ZNF500: variants seen among roughly 807,000 people sequenced by gnomAD.
ZNF500 encodes zinc finger protein with KRAB and SCAN domains 18.
ZNF500 carries 31 observed loss-of-function variants against 30.1 expected under a neutral mutation model. The ratio of observed to expected loss-of-function variants is 1.03; its 90% CI spans 0.77 to 1.39. The LOEUF is 1.39. Among genes scored for constraint, ZNF500 ranks in the 40% most tolerant of loss-of-function variants. ZNF500 has a pLI of 0.00. For synonymous variants in ZNF500, 392 were observed against 282.0 expected (o/e 1.39, Z -3.91); for missense variants, 817 against 657.8 (o/e 1.24, Z -2.65).
chr16:4,760,820 C>A (rs532158759), intron 4 of ZNF500, among the ~76,000 whole-genome samples: 2 of 152,260 alleles, frequency 1.3e-5, no homozygotes, highest in South Asian at 2.1e-4. Flanking sequence ...GGGACAGATT[C>A]GCCACGAGGA....
intron 3 of ZNF500, 75 bp from the exon 4 acceptor site, chr16:4,762,410 C>G: frequency 2.0e-6 from 3 of 1,530,936 alleles, no homozygotes; most frequent in Admixed American, 4.0e-5. Flanking sequence ...CACACCAAGG[C>G]CCCAACAGCC....
Position 4,765,728 on chromosome 16 carries a change from C to G in ZNF500, c.251G>C (p.Arg84Pro). 1.9e-6 allele frequency: 3 copies of G among 1,613,410 alleles called. No individual in the cohort carries two copies. Among genetic ancestry groups the G allele is most frequent in the Non-Finnish European group, 2.5e-6 (3 of 1,179,956 alleles). The change falls in exon 2 of 6, where the codon CGC becomes CCC. Residue 84 changes from arginine (R) to proline (P), a missense_variant. Transcript: ENST00000219478. ...CAGCTCCAGGATCTGCTCCTTGGTG[C>G]GCAGCTCCGGCCGCAGCCAGCGGCA... ...LCCRWLRPELRTKEQILELLV... is the reference protein window; with the variant it reads ...LCCRWLRPELPTKEQILELLV...
intron 5 of ZNF500, among the ~76,000 whole-genome samples, chr16:4,754,749 T>C (rs1006770495): frequency 6.6e-6 from 1 of 152,018 alleles, no homozygotes; most frequent in Admixed American, 6.6e-5. Context: ...TAATAATATT[T>C]TATTTATTTA....
At chr16:4,764,707 G>A (rs1172853398) in intron 2 of ZNF500, among the ~76,000 whole-genome samples, 9 of 151,064 alleles carry the variant, frequency 6.0e-5, no homozygotes, top group South Asian at 2.1e-4. Context: ...GCGTGAATCC[G>A]GGAGGCGGAG....
intron 4 of ZNF500, among the ~76,000 whole-genome samples, chr16:4,762,012 C>T (rs539313335): frequency 6.6e-6 from 1 of 152,322 alleles, no homozygotes; most frequent in South Asian, 2.1e-4. Context: ...GGAGTCACCA[C>T]CCTGTCTCAC....
At position 4,752,784 on chromosome 16, in the gene ZNF500, G is replaced by A. The variant is rs775135871; in HGVS notation, c.1035C>T (p.Arg345=). The change falls in exon 6 of 6, where the codon CGC becomes CGT. Residue 345 remains arginine (R), a synonymous_variant. Coordinates refer to ENST00000219478, the MANE Select transcript of ZNF500 (RefSeq NM_021646.4). Reference sequence around the variant, plus strand: ...TGTAAGGCCGCTCGCCCGTGTGTGTGCGCTGGTGCTTGGTCAAGTGGGACG... The same window carrying A: ...TGTAAGGCCGCTCGCCCGTGTGTGTACGCTGGTGCTTGGTCAAGTGGGACG... ...SKTSHLTKHQ[R]THTGERPYKC... is the part of the protein sequence containing the mutation. 3.1e-6 allele frequency: 5 copies of A among 1,614,066 alleles called. No individual in the cohort carries two copies. Among genetic ancestry groups the A allele is most frequent in the African/African-American group, 2.7e-5 (2 of 74,924 alleles).
chr16:4,756,914 T>C (rs964555212), intron 5 of ZNF500, among the ~76,000 whole-genome samples: 4 of 137,394 alleles, frequency 2.9e-5, no homozygotes, highest in African/African-American at 8.2e-5. Context: ...CCTGGGGAGG[T>C]TGAAGCTGCA....
At chr16:4,753,977 G>A (rs2082111119) in intron 5 of ZNF500, among the ~76,000 whole-genome samples, 1 of 152,238 alleles carries the variant, frequency 6.6e-6, no homozygotes, top group South Asian at 2.1e-4. Context: ...CAGGACAGGA[G>A]AACAGGGAGA....
In ZNF500 at chr16:4,751,698, A is replaced by C. The variant is rs1245514534; in HGVS notation, c.*678T>G. On this transcript the variant is annotated 3_prime_UTR_variant, in exon 6 of 6. Transcript: ENST00000219478. ...CGGGTTTTGATGATATAATTAGTTA[A>C]GATGAGGTCACAGTGTATTGGGGGA... 2.7e-6 allele frequency: 4 copies of C among 1,487,130 alleles called. No homozygotes were observed. The highest frequency in any genetic ancestry group is 3.6e-6 in the Non-Finnish European group (4 of 1,103,292). 92.1% of individuals were successfully genotyped at this position (1,487,130 alleles called of 1,614,324 possible).
intron 2 of ZNF500, among the ~76,000 whole-genome samples, chr16:4,763,439 A>G (rs2141848618): frequency 6.6e-6 from 1 of 152,166 alleles, no homozygotes; most frequent in East Asian, 1.9e-4. Flanking sequence ...AGAAATTATC[A>G]ACAGGTGCTC....
At chr16:4,747,065 A>T, downstream of ZNF500, 1 of 1,487,134 alleles carries the variant, frequency 6.7e-7, no homozygotes, top group Non-Finnish European at 9.0e-7. Context: ...CAGATGTCCC[A>T]CCTCTGCTTT....
intron 5 of ZNF500, among the ~76,000 whole-genome samples, chr16:4,758,861 C>T (rs535285924): frequency 6.6e-6 from 1 of 152,218 alleles, no homozygotes; most frequent in Admixed American, 6.6e-5. Context: ...AACTTTTGTG[C>T]ATGAAAGGAC....
chr16:4,762,994 C>G (rs1198880583), intron 2 of ZNF500: 3 of 985,338 alleles, frequency 3.0e-6, no homozygotes, highest in Admixed American at 6.1e-5. Flanking sequence ...TTCTTACCCT[C>G]TATTCCTTGG....
rs555209649 is a variant in ZNF500, at chr16:4,748,775, C to T, written c.*3601G>A. 1 of 152,460 alleles carries T rather than the reference C, an allele frequency of 6.6e-6. No individual in the cohort carries two copies. The highest frequency in any genetic ancestry group is 2.1e-4 in the South Asian group (1 of 4,830). 9.4% of individuals were successfully genotyped at this position (152,460 alleles called of 1,614,324 possible). ...GGAAGAGCAGAGAAATCATCACCAC[C>T]TTGGGCCCCACGGTGCCACGGGCTC... On this transcript the variant is annotated 3_prime_UTR_variant, in exon 6 of 6. Transcript: ENST00000219478.
chr16:4,762,217 A>G (rs1205194863), intron 4 of ZNF500, 54 bp downstream of exon 4: 2 of 1,581,448 alleles, frequency 1.3e-6, no homozygotes, highest in African/African-American at 2.7e-5. Context: ...AGTGTGACAC[A>G]CAGGAGGTCG....
chr16:4,760,713 G>A lies in ZNF500; in HGVS notation c.664-125C>T, dbSNP rs1596502697. The A allele has an allele frequency of 1.6e-5, 12 of 772,130 alleles. No individual in the cohort carries two copies. The East Asian group carries it at 2.9e-4, about 19-fold the overall frequency. 47.8% of individuals were successfully genotyped at this position (772,130 alleles called of 1,614,324 possible). On this transcript the variant is annotated intron_variant, in intron 4 of 5. Coordinates refer to ENST00000219478, the MANE Select transcript of ZNF500 (RefSeq NM_021646.4). Reference sequence around the variant, plus strand: ...GGCTGGCGCCAAGCCTGGTGGTGCAGCTGGTCTTCTCCACTCTCGTTGCAG... The same window carrying A: ...GGCTGGCGCCAAGCCTGGTGGTGCAACTGGTCTTCTCCACTCTCGTTGCAG...
chr16:4,746,128 C>G, downstream of ZNF500: 3 of 421,488 alleles, frequency 7.1e-6, no homozygotes, highest in Non-Finnish European at 4.2e-6. Context: ...CCACTTGTGC[C>G]AAGTGGCTAC....
intron 2 of ZNF500, among the ~76,000 whole-genome samples, chr16:4,765,265 T>C (rs978337271): frequency 2.0e-5 from 3 of 151,432 alleles, no homozygotes; most frequent in Non-Finnish European, 4.4e-5. Context: ...CACACCACCA[T>C]AGCCTGGGCA....
At chr16:4,746,467 T>C (rs747979025), downstream of ZNF500, 9 of 1,613,726 alleles carry the variant, frequency 5.6e-6, no homozygotes, top group African/African-American at 2.7e-5. Context: ...ACCATCTTTA[T>C]TGACCTGCGG....
Sources: allele counts gnomAD v4.1 joint callset (sites outside exome capture counted in the v4.1 genomes callset), GRCh38; gene constraint gnomAD v4.1.1; transcripts MANE v1.5; gene names NCBI Gene and HGNC (gene_info 2026-07-23, HGNC 2026-07-21).